MEGF8: variants seen among roughly 807,000 people sequenced by gnomAD.
MEGF8 encodes multiple EGF like domains 8, also known as multiple epidermal growth factor-like domains protein 8.
Under a neutral mutation model 302.9 loss-of-function variants are expected in MEGF8, and 156 were observed. That is an observed-to-expected ratio of 0.52 (90% CI 0.45 to 0.59). The LOEUF (loss-of-function observed/expected upper bound fraction) is 0.59, where lower values mean the gene tolerates loss of function less well. MEGF8 is among the 20% of genes least tolerant of loss of function. The probability of loss-of-function intolerance (pLI) is 0.00; values close to 1 mark genes in which losing one functional copy is unlikely to be tolerated. For synonymous variants in MEGF8, 1,621 were observed against 1,660.5 expected, an observed-to-expected ratio of 0.98 and a Z score of 0.58; for missense variants, 3,345 against 3,964.5, an observed-to-expected ratio of 0.84 and a Z score of 4.20.
At position 42,357,706 on chromosome 19, in the gene MEGF8, A is replaced by C; in HGVS notation, c.5011+122A>C. 2 of 888,848 alleles carry C rather than the reference A, an allele frequency of 2.3e-6. No individual in the cohort carries two copies. Among genetic ancestry groups the C allele is most frequent in the Non-Finnish European group, 1.7e-6 (1 of 596,888 alleles). 55.1% of individuals were successfully genotyped at this position (888,848 alleles called of 1,614,324 possible). On this transcript the variant is annotated intron_variant, in intron 28 of 41. Transcript: ENST00000251268. The surrounding 1 kb of genome is among the most constrained non-coding windows in gnomAD (Gnocchi z 5.2). ...CTGTCTCCCTCTCTTTCCCATCCCC[A>C]TGCAGATTCTCAGGGCACCCTCTTG...
intron 1 of MEGF8, among the ~76,000 whole-genome samples, chr19:42,327,875 G>A (rs1213112967): frequency 6.6e-6 from 1 of 152,128 alleles, no homozygotes; most frequent in African/African-American, 2.4e-5. Context: ...CCGGCAGATC[G>A]CCTGAAGTCA....
chr19:42,335,769 C>CT (rs1451553012), intron 5 of MEGF8, among the ~76,000 whole-genome samples, 162 bp from the exon 6 acceptor site: 1 of 152,130 alleles, frequency 6.6e-6, no homozygotes, highest in African/African-American at 2.4e-5. Flanking sequence ...TTCTATGAGT[C>CT]TGTCTCTTCT....
intron 41 of MEGF8, among the ~76,000 whole-genome samples, chr19:42,374,819 G>A (rs1014248011): frequency 6.6e-6 from 1 of 152,224 alleles, no homozygotes; most frequent in Non-Finnish European, 1.5e-5. Flanking sequence ...GGAAGCGGGG[G>A]CTAGGGCTGT....
Position 42,353,441 on chromosome 19 carries a change from T to C in MEGF8, c.3551-24T>C, listed in dbSNP as rs1475644441. On this transcript the variant is annotated intron_variant, in intron 20 of 41. Coordinates refer to ENST00000251268, the MANE Select transcript of MEGF8 (RefSeq NM_001271938.2). The surrounding 1 kb of genome is among the most constrained non-coding windows in gnomAD (Gnocchi z 6.1). ...TGTTTCCACCCTTGACTTGACTCTG[T>C]CCCACCTGCTGGGGCCTCCACAGAC... 1 of 1,606,214 alleles carries C rather than the reference T, an allele frequency of 6.2e-7. No homozygotes were observed.
intron 1 of MEGF8, among the ~76,000 whole-genome samples, chr19:42,329,199 G>A (rs895006921): frequency 1.2e-4 from 19 of 152,116 alleles, no homozygotes; most frequent in African/African-American, 3.4e-4. Context: ...AGGGGAAGAG[G>A]GGCCTTGAAT....
rs376313157 is a variant in MEGF8, at chr19:42,353,744, G to A, written c.3762-31G>A. ...GACACAGTGGGGAGGGTCAGGACTGGTCTGACACTGGCTCTTCTCCATCTC... is the reference window on the plus strand; with the variant it reads ...GACACAGTGGGGAGGGTCAGGACTGATCTGACACTGGCTCTTCTCCATCTC... On this transcript the variant is annotated intron_variant, in intron 21 of 41. Coordinates refer to ENST00000251268, the MANE Select transcript of MEGF8 (RefSeq NM_001271938.2). This position sits in a 1 kb window ranked among gnomAD's most constrained non-coding sequence, Gnocchi z 6.1. 4.5e-5 allele frequency: 71 copies of A among 1,581,052 alleles called. No homozygotes were observed. The African/African-American group carries it at 8.8e-4, about 20-fold the overall frequency.
In MEGF8 at chr19:42,326,028, T is replaced by C. The variant is rs1020812347; in HGVS notation, c.-216T>C. ...CCATAATGACTCCATATACAGGGCC[T>C]TCCATCGCTCTATAGGGCTCAGCCC... On this transcript the variant is annotated 5_prime_UTR_variant, in exon 1 of 42. Transcript: ENST00000251268. 5 of 690,902 alleles carry C rather than the reference T, an allele frequency of 7.2e-6. No homozygotes were observed. The African/African-American group carries it at 9.5e-5, about 13-fold the overall frequency. The allele number at this position is 690,902 out of a possible 1,614,324, so 42.8% of individuals were successfully genotyped here.
rs1193443700 is a variant in MEGF8 at position 42,375,913 on chromosome 19, G to A, written c.7676G>A (p.Gly2559Asp). 6.3e-7 allele frequency: 1 copy of A among 1,599,650 alleles called. No homozygotes were observed. The highest frequency in any genetic ancestry group is 8.5e-7 in the Non-Finnish European group (1 of 1,172,648). ...GGAGCAGGGGCCAGCAGTGGGCCGGGCGCCCCAGCAGAGCCACGGGTACGG... is the reference window on the plus strand; with the variant it reads ...GGAGCAGGGGCCAGCAGTGGGCCGGACGCCCCAGCAGAGCCACGGGTACGG... ...PGGAGASSGPGAPAEPRVREV... is the reference protein window; with the variant it reads ...PGGAGASSGPDAPAEPRVREV... Residue 2559 changes from glycine (G) to aspartate (D), a missense_variant, in exon 42 of 42, where the codon GGC becomes GAC. By Grantham distance (94) the Gly-to-Asp change is moderately conservative (BLOSUM62 -1). Transcript: ENST00000251268. This position sits in a 1 kb window ranked among gnomAD's most constrained non-coding sequence, Gnocchi z 7.1.
intron 12 of MEGF8, among the ~76,000 whole-genome samples, chr19:42,346,759 C>T (rs578083862): frequency 1.3e-5 from 2 of 152,032 alleles, no homozygotes; most frequent in East Asian, 3.9e-4. Flanking sequence ...CCAAGGCAGG[C>T]GGATTACAAG....
At position 42,375,653 on chromosome 19, in the gene MEGF8, C is replaced by T. The variant is rs760662063; in HGVS notation, c.7416C>T (p.Pro2472=). ...FHEPKRRALG[P]GRTVLFGVQP... is the part of the protein sequence containing the mutation. ...AGCCCAAACGCCGGGCGCTAGGCCC[C>T]GGCCGCACTGTCCTCTTTGGCGTGC... Residue 2472 remains proline (P), a synonymous_variant, in exon 42 of 42, where the codon CCC becomes CCT. Coordinates refer to ENST00000251268, the MANE Select transcript of MEGF8 (RefSeq NM_001271938.2). This position sits in a 1 kb window ranked among gnomAD's most constrained non-coding sequence, Gnocchi z 7.1. 2.9e-5 allele frequency: 47 copies of T among 1,609,852 alleles called. No homozygotes were observed. The highest frequency in any genetic ancestry group is 3.3e-4 in the Middle Eastern group (2 of 6,078).
intron 14 of MEGF8, 122 bp downstream of exon 14, chr19:42,349,821 T>C (rs992877486): frequency 1.4e-4 from 141 of 1,039,862 alleles, no homozygotes; most frequent in Non-Finnish European, 1.8e-4. Flanking sequence ...ACTCCTTAAC[T>C]CTTGGCCTCT....
In MEGF8 at chr19:42,358,243, A is replaced by G; in HGVS notation, c.5111A>G (p.Glu1704Gly). The G allele has an allele frequency of 1.9e-6, 3 of 1,604,870 alleles. No individual in the cohort carries two copies. Among genetic ancestry groups the G allele is most frequent in the Non-Finnish European group, 2.6e-6 (3 of 1,176,278 alleles). ...GTGGAGCTGGCGGCCCCATCCCCCGAGCTCTACTCCCTGCACTGTCCTGAC... is the reference window on the plus strand; with the variant it reads ...GTGGAGCTGGCGGCCCCATCCCCCGGGCTCTACTCCCTGCACTGTCCTGAC... ...FHVELAAPSP[E>G]LYSLHCPDRT... Residue 1704 changes from glutamate to glycine, a missense_variant, in exon 29 of 42, where the codon GAG becomes GGG. Coordinates refer to ENST00000251268, the MANE Select transcript of MEGF8 (RefSeq NM_001271938.2). This position sits in a 1 kb window ranked among gnomAD's most constrained non-coding sequence, Gnocchi z 4.4.
rs770106064 is a variant in MEGF8 at position 42,358,763 on chromosome 19, C to G, written c.5176-24C>G. The stretch of plus-strand genomic sequence containing the variant: ...GCAAGAGACTCGAGGAGCCTCAACC[C>G]CAGGACGCCCCCACTGTCACTAGCG... On this transcript the variant is annotated intron_variant, in intron 29 of 41. Coordinates refer to ENST00000251268, the MANE Select transcript of MEGF8 (RefSeq NM_001271938.2). The surrounding 1 kb of genome is among the most constrained non-coding windows in gnomAD (Gnocchi z 4.4). 6.7e-7 allele frequency: 1 copy of G among 1,499,928 alleles called. No individual in the cohort carries two copies. 92.9% of individuals were successfully genotyped at this position (1,499,928 alleles called of 1,614,324 possible).
intron 1 of MEGF8, among the ~76,000 whole-genome samples, chr19:42,328,078 A>G (rs1235893334): frequency 6.6e-6 from 1 of 152,138 alleles, no homozygotes; most frequent in African/African-American, 2.4e-5. Context: ...GCAGAGCGAG[A>G]CTCCATCTGA....
In MEGF8 at chr19:42,369,609, C is replaced by T. The variant is rs373527346; in HGVS notation, c.6720C>T (p.Cys2240=). 6.2e-7 allele frequency: 1 copy of T among 1,613,002 alleles called. No individual in the cohort carries two copies. The highest frequency in any genetic ancestry group is 8.5e-7 in the Non-Finnish European group (1 of 1,179,808). Residue 2240 remains cysteine (C), a synonymous_variant, in exon 38 of 42, where the codon TGC becomes TGT. Coordinates refer to ENST00000251268, the MANE Select transcript of MEGF8 (RefSeq NM_001271938.2). This position sits in a 1 kb window ranked among gnomAD's most constrained non-coding sequence, Gnocchi z 5.7. ...GTGTGGAGCCCGACCACTGCCGCTG[C>T]CACTTTGGCTTTGTGGGCCGCAACT... ...GSCVEPDHCR[C]HFGFVGRNCS...
At position 42,362,536 on chromosome 19, in the gene MEGF8, T is replaced by C; in HGVS notation, c.5997T>C (p.Ala1999=). Reference sequence around the variant, plus strand: ...GCTCCGAGGCTGCGTGCGGGGCTGCTGACTGCGAGCAGTGCACGCGGGAGG... The same window carrying C: ...GCTCCGAGGCTGCGTGCGGGGCTGCCGACTGCGAGCAGTGCACGCGGGAGG... ...GNCSEAACGA[A]DCEQCTREGK... is the part of the protein sequence containing the mutation. The change falls in exon 34 of 42, where the codon GCT becomes GCC. Residue 1999 remains alanine (A), a synonymous_variant. Coordinates refer to ENST00000251268, the MANE Select transcript of MEGF8 (RefSeq NM_001271938.2). 6.2e-7 allele frequency: 1 copy of C among 1,613,720 alleles called. No individual in the cohort carries two copies. Among genetic ancestry groups the C allele is most frequent in the Non-Finnish European group, 8.5e-7 (1 of 1,179,898 alleles).
chr19:42,375,892 C>T lies in MEGF8; in HGVS notation c.7655C>T (p.Ala2552Val). The change falls in exon 42 of 42, where the codon GCA becomes GTA. Residue 2552 changes from alanine (A) to valine (V), a missense_variant. Physicochemically the swap from Ala to Val is moderately conservative, Grantham distance 64 (BLOSUM62 0). Coordinates refer to ENST00000251268, the MANE Select transcript of MEGF8 (RefSeq NM_001271938.2). The surrounding 1 kb of genome is among the most constrained non-coding windows in gnomAD (Gnocchi z 7.1). ...GPRGAGDPGG[A>V]GASSGPGAPA... ...CGGGGGGCTGGGGATCCAGGAGGAG[C>T]AGGGGCCAGCAGTGGGCCGGGCGCC... 1 of 1,600,648 alleles carries T rather than the reference C, an allele frequency of 6.2e-7. No individual in the cohort carries two copies. Among genetic ancestry groups the T allele is most frequent in the Non-Finnish European group, 8.5e-7 (1 of 1,173,326 alleles).
In MEGF8 at chr19:42,377,066, C is replaced by T. The variant is rs1600084132; in HGVS notation, c.*291C>T. 3 of 393,628 alleles carry T rather than the reference C, an allele frequency of 7.6e-6. No individual in the cohort carries two copies. The highest frequency in any genetic ancestry group is 1.9e-4 in the South Asian group (2 of 10,262). The allele number at this position is 393,628 out of a possible 1,614,324, so 24.4% of individuals were successfully genotyped here. A position where few individuals can be genotyped will look rare whatever the true frequency, so the allele number is the denominator to read the frequency against. On this transcript the variant is annotated 3_prime_UTR_variant, in exon 42 of 42. Coordinates refer to ENST00000251268, the MANE Select transcript of MEGF8 (RefSeq NM_001271938.2). ...TGAAGGGAGACAATCAGTGCACATG[C>T]ACACACCCCACACGCATACACACAT...
chr19:42,374,374 G>C (rs1045174615), intron 41 of MEGF8, among the ~76,000 whole-genome samples: 1 of 151,716 alleles, frequency 6.6e-6, no homozygotes, highest in Non-Finnish European at 1.5e-5. Flanking sequence ...GGGAGGCTGA[G>C]GCAGGAGAAT....
Sources: allele counts gnomAD v4.1 joint callset (sites outside exome capture counted in the v4.1 genomes callset), GRCh38; gene constraint gnomAD v4.1.1; non-coding constraint Gnocchi (gnomAD v3.1); transcripts MANE v1.5; gene names NCBI Gene and HGNC (gene_info 2026-07-23, HGNC 2026-07-21).